MGAT5: variants seen among roughly 807,000 people sequenced by gnomAD.
MGAT5 encodes the protein alpha-1,6-mannosylglycoprotein 6-beta-N-acetylglucosaminyltransferase A.
A neutral mutation model predicts 94.3 loss-of-function variants in MGAT5; 30 were observed. The observed-to-expected ratio is 0.32, with a 90% CI of 0.24 to 0.43. The LOEUF (loss-of-function observed/expected upper bound fraction) is 0.43, where lower values mean the gene tolerates loss of function less well. MGAT5 is among the 20% of genes least tolerant of loss of function. MGAT5 has a pLI of 1.00. For synonymous variants in MGAT5, 310 were observed against 322.9 expected (o/e 0.96, Z 0.43); for missense variants, 691 against 905.5 (o/e 0.76, Z 3.04).
chr2:134,354,274 A>G (rs1272262776), intron 9 of MGAT5, among the ~76,000 whole-genome samples: 1 of 152,178 alleles, frequency 6.6e-6, no homozygotes, highest in African/African-American at 2.4e-5. Flanking sequence ...GATGGAATGC[A>G]CAGTTTGGAG....
chr2:134,418,908 A>G (rs1279037895), intron 12 of MGAT5, among the ~76,000 whole-genome samples: 4 of 152,328 alleles, frequency 2.6e-5, no homozygotes, highest in South Asian at 2.1e-4. Context: ...TCTCATGTCC[A>G]GGTGGGTTAC....
chr2:134,184,413 C>G (rs1688895714), intron 1 of MGAT5, among the ~76,000 whole-genome samples: 1 of 152,208 alleles, frequency 6.6e-6, no homozygotes, highest in South Asian at 2.1e-4. Context: ...GGTGCTAGTT[C>G]TGCTCTGGGC....
intron 10 of MGAT5, among the ~76,000 whole-genome samples, chr2:134,390,463 C>A (rs1370660886): frequency 6.6e-6 from 1 of 152,176 alleles, no homozygotes; most frequent in Non-Finnish European, 1.5e-5. Flanking sequence ...ATTAACTCGT[C>A]ATTTACATTA....
intron 1 of MGAT5, among the ~76,000 whole-genome samples, chr2:134,137,346 G>T (rs187248867): frequency 6.6e-6 from 1 of 152,170 alleles, no homozygotes; most frequent in Non-Finnish European, 1.5e-5. Context: ...TTGGCTTCCC[G>T]CTTGCCACTC....
intron 1 of MGAT5, among the ~76,000 whole-genome samples, chr2:134,170,504 C>G (rs1217490694): frequency 2.0e-5 from 3 of 152,164 alleles, no homozygotes; most frequent in African/African-American, 4.8e-5. Flanking sequence ...TTGACACAGA[C>G]AAAAATGCTA....
intron 1 of MGAT5, among the ~76,000 whole-genome samples, chr2:134,155,343 A>G (rs188583106): frequency 7.2e-5 from 11 of 152,336 alleles, no homozygotes; most frequent in Admixed American, 3.9e-4. Flanking sequence ...ATTGAGGTCC[A>G]TCTGCTTCTC....
intron 1 of MGAT5, among the ~76,000 whole-genome samples, chr2:134,177,149 G>GTA (rs1245520489): frequency 1.3e-5 from 2 of 151,716 alleles, no homozygotes; most frequent in Non-Finnish European, 2.9e-5. Flanking sequence ...GAACCCGTGT[G>GTA]TGTGTGTGTG....
chr2:134,416,595 C>T (rs1438475830), intron 12 of MGAT5, among the ~76,000 whole-genome samples: 1 of 151,646 alleles, frequency 6.6e-6, no homozygotes, highest in Non-Finnish European at 1.5e-5. Context: ...CCTCAGCCTC[C>T]TGAGTAGCTG....
intron 1 of MGAT5, among the ~76,000 whole-genome samples, chr2:134,231,862 T>TGACAAC (rs1278923743): frequency 2.6e-5 from 4 of 152,208 alleles, no homozygotes; most frequent in Non-Finnish European, 5.9e-5. Flanking sequence ...CCGAGTTGTC[T>TGACAAC]GTCCCCTGGT....
At chr2:134,187,909 A>G (rs781265432) in intron 1 of MGAT5, among the ~76,000 whole-genome samples, 17 of 152,240 alleles carry the variant, frequency 1.1e-4, no homozygotes, top group Non-Finnish European at 2.1e-4. Context: ...GTAATAGGGA[A>G]AAATAAGGGA....
chr2:134,338,538 T>A, intron 6 of MGAT5, 118 bp downstream of exon 6: 1 of 1,102,000 alleles, frequency 9.1e-7, no homozygotes, highest in South Asian at 1.7e-5. Context: ...TCAGGGTGAA[T>A]CTGCTCAGTC....
intron 8 of MGAT5, among the ~76,000 whole-genome samples, chr2:134,345,828 C>CAA (rs1446611945): frequency 6.6e-6 from 1 of 152,038 alleles, no homozygotes; most frequent in African/African-American, 2.4e-5. Context: ...ATTCAGCAGG[C>CAA]AAAAGTATCT....
At chr2:134,203,518 G>A (rs13017917) in intron 1 of MGAT5, among the ~76,000 whole-genome samples, 13,679 of 152,076 alleles carry the variant, frequency 0.09, 800 homozygotes, top group East Asian at 0.26. Context: ...AAGCTCAGGT[G>A]ATGGGACATT....
At chr2:134,255,778 G>A (rs554701736) in intron 1 of MGAT5, among the ~76,000 whole-genome samples, 1 of 152,236 alleles carries the variant, frequency 6.6e-6, no homozygotes, top group South Asian at 2.1e-4. Flanking sequence ...ACCCACTCAA[G>A]GAAGGTGCCC....
intron 1 of MGAT5, among the ~76,000 whole-genome samples, chr2:134,196,346 C>T (rs1679493375): frequency 6.6e-6 from 1 of 150,664 alleles, no homozygotes. Flanking sequence ...ACTCAAGTAC[C>T]AGTATGGAGG....
intron 1 of MGAT5, among the ~76,000 whole-genome samples, chr2:134,131,340 G>A (rs1055795219): frequency 6.6e-6 from 1 of 152,200 alleles, no homozygotes; most frequent in African/African-American, 2.4e-5. Context: ...TGGGGAAACC[G>A]AGGTGCAAAG....
rs765531461 is a variant in MGAT5, at chr2:134,183,914, G to A, written c.-143+63623G>A. On this transcript the variant is annotated intron_variant, in intron 1 of 16. Transcript: ENST00000409645. Reference sequence around the variant, plus strand: ...CATGCAGTTTCTGTTGGTCCCAGCCGAGACGAAAATGAACAGTTCTAGCAA... The same window carrying A: ...CATGCAGTTTCTGTTGGTCCCAGCCAAGACGAAAATGAACAGTTCTAGCAA... Among the ~76,000 whole-genome samples the A allele has an allele frequency of 3.3e-5, 5 of 152,166 alleles. 1 individual carries two copies. In the South Asian group the frequency reaches 6.2e-4, roughly 19 times the overall value.
intron 1 of MGAT5, among the ~76,000 whole-genome samples, chr2:134,208,950 T>G (rs1680155972): frequency 6.6e-6 from 1 of 152,156 alleles, no homozygotes; most frequent in South Asian, 2.1e-4. Flanking sequence ...TGTCTGTTTT[T>G]CCCCAGTGTT....
At chr2:134,242,518 A>G (rs183886325) in intron 1 of MGAT5, among the ~76,000 whole-genome samples, 7 of 152,348 alleles carry the variant, frequency 4.6e-5, no homozygotes, top group South Asian at 4.1e-4. Context: ...CTCCACTGGA[A>G]ATTAGGATCT....
Sources: gnomAD v4.1 joint callset for allele counts (sites outside exome capture counted in the v4.1 genomes callset) on GRCh38, gnomAD v4.1.1 for gene constraint, MANE v1.5 for transcripts, NCBI Gene and HGNC (gene_info 2026-07-23, HGNC 2026-07-21) for gene names.